The following PRKCA variants were observed in gnomAD, a reference collection of about 807,000 sequenced individuals.
PRKCA encodes the protein protein kinase C alpha.
In PRKCA, 27 loss-of-function variants were observed where a neutral mutation model predicts 87.0. That is an observed-to-expected ratio of 0.31 (90% confidence interval 0.23 to 0.43). The LOEUF is 0.43. Among genes scored for constraint, PRKCA ranks in the 20% least tolerant of loss-of-function variants. The pLI is 1.00. For missense variants in PRKCA, 518 were observed against 852.3 expected (o/e 0.61, Z 4.88); for synonymous variants, 329 against 311.1 (o/e 1.06, Z -0.61).
intron 13 of PRKCA, among the ~76,000 whole-genome samples, chr17:66,764,113 C>A (rs117163467): frequency 0.019 from 2,869 of 152,310 alleles, 41 homozygotes; most frequent in Non-Finnish European, 0.03. Context: ...TAACATTGGA[C>A]AAGCTACTGT....
intron 3 of PRKCA, among the ~76,000 whole-genome samples, chr17:66,596,226 G>A (rs930184794): frequency 3.9e-5 from 6 of 152,158 alleles, no homozygotes; most frequent in Admixed American, 6.5e-5. Flanking sequence ...ACCTTCTGGC[G>A]TATTTACCGC....
chr17:66,777,596 G>C (rs1440431585), intron 14 of PRKCA: 2 of 984,970 alleles, frequency 2.0e-6, no homozygotes, highest in Non-Finnish European at 2.4e-6. Flanking sequence ...GTAAAATTCG[G>C]CTCTGAATTA....
chr17:66,699,165 A>G (rs1421889157), intron 8 of PRKCA, among the ~76,000 whole-genome samples: 1 of 150,026 alleles, frequency 6.7e-6, no homozygotes, highest in East Asian at 2.0e-4. Flanking sequence ...GTGCGTGTGA[A>G]TAGCCAGTGC....
chr17:66,542,213 A>T (rs4791051), intron 3 of PRKCA, among the ~76,000 whole-genome samples: 88,542 of 152,048 alleles, frequency 0.58, 27,540 homozygotes, highest in African/African-American at 0.81. Context: ...TTAGATGGTG[A>T]TTAAAATATG....
At chr17:66,563,065 G>T (rs1376114357) in intron 3 of PRKCA, among the ~76,000 whole-genome samples, 1 of 152,062 alleles carries the variant, frequency 6.6e-6, no homozygotes, top group African/African-American at 2.4e-5. Flanking sequence ...TAGGGTTATA[G>T]GAAAATGGAG....
intron 8 of PRKCA, among the ~76,000 whole-genome samples, chr17:66,726,856 C>A (rs1426068032): frequency 6.6e-6 from 1 of 151,982 alleles, no homozygotes; most frequent in Non-Finnish European, 1.5e-5. Context: ...TCCCAAGTAG[C>A]TGGGACTACA....
rs60247180 is a variant in PRKCA, at chr17:66,729,780, C to CTTTTTTT, written c.919-2893_919-2887dup. On this transcript the variant is annotated intron_variant, in intron 8 of 16. Coordinates refer to ENST00000413366, the MANE Select transcript of PRKCA (RefSeq NM_002737.3). The stretch of plus-strand genomic sequence containing the variant: ...TTGATCCCTGTATGAGCGAGTTATT[C>CTTTTTTT]TTTTTTTTTTTTTTTTTTTTTCTGA... 3.1e-4 allele frequency among the ~76,000 whole-genome samples: 33 copies of CTTTTTTT among 105,072 alleles called. 1 individual carries two copies. The highest frequency in any genetic ancestry group is 1.7e-3 in the South Asian group (5 of 2,966). The allele number at this position is 105,072 out of a possible 152,430, so 68.9% of individuals were successfully genotyped here. A position where few individuals can be genotyped will look rare whatever the true frequency, so the allele number is the denominator to read the frequency against.
intron 3 of PRKCA, among the ~76,000 whole-genome samples, chr17:66,573,432 T>C (rs2143407443): frequency 6.6e-6 from 1 of 152,300 alleles, no homozygotes; most frequent in African/African-American, 2.4e-5. Flanking sequence ...AAATCAGGAA[T>C]ACATGGGTCA....
rs1373275646 is a variant in PRKCA, at chr17:66,689,585, T to G, written c.918+538T>G. On this transcript the variant is annotated intron_variant, in intron 8 of 16. Transcript: ENST00000413366. The surrounding 1 kb of genome is among the most constrained non-coding windows in gnomAD (Gnocchi z 4.1). ...GTTTAGCAAAGGCCACCTCCTTCTC[T>G]TCTTCCTCTTGGTATTTGTGTTTGC... 1.3e-5 allele frequency among the ~76,000 whole-genome samples: 2 copies of G among 152,220 alleles called. No individual in the cohort carries two copies. Among genetic ancestry groups the G allele is most frequent in the African/African-American group, 4.8e-5 (2 of 41,456 alleles).
At chr17:66,695,834 T>C (rs1250572614) in intron 8 of PRKCA, among the ~76,000 whole-genome samples, 3 of 152,232 alleles carry the variant, frequency 2.0e-5, no homozygotes, top group Non-Finnish European at 4.4e-5. Flanking sequence ...GATGTCCCAT[T>C]AGAAAGCTGA....
At chr17:66,395,788 T>C (rs1910629966) in intron 2 of PRKCA, among the ~76,000 whole-genome samples, 1 of 152,208 alleles carries the variant, frequency 6.6e-6, no homozygotes, top group Non-Finnish European at 1.5e-5. Flanking sequence ...TGAGAAATCC[T>C]TCAACATTAT....
At chr17:66,710,723 G>T (rs1286107763) in intron 8 of PRKCA, among the ~76,000 whole-genome samples, 1 of 151,986 alleles carries the variant, frequency 6.6e-6, no homozygotes, top group Non-Finnish European at 1.5e-5. Flanking sequence ...CTCCTCTTCA[G>T]ATTAGGTTAG....
At chr17:66,800,439 G>A (rs1975874430) in intron 16 of PRKCA, among the ~76,000 whole-genome samples, 1 of 152,166 alleles carries the variant, frequency 6.6e-6, no homozygotes, top group African/African-American at 2.4e-5. Context: ...TTTTATCACA[G>A]TACTTAGCTT....
chr17:66,374,198 C>T (rs1909279974), intron 2 of PRKCA, among the ~76,000 whole-genome samples: 1 of 152,284 alleles, frequency 6.6e-6, no homozygotes. Flanking sequence ...TCCCATGAAT[C>T]CTTCCTCCAC....
Position 66,688,398 on chromosome 17 carries a change from T to C in PRKCA, c.783T>C (p.Phe261=). The C allele has an allele frequency of 1.9e-6, 3 of 1,614,164 alleles. No individual in the cohort carries two copies. Among genetic ancestry groups the C allele is most frequent in the Non-Finnish European group, 2.5e-6 (3 of 1,180,026 alleles). Residue 261 remains phenylalanine, a synonymous_variant, in exon 7 of 17, where the codon TTT becomes TTC. Transcript: ENST00000413366. Reference sequence around the variant, plus strand: ...ATGACTTCATGGGATCCCTTTCCTTTGGAGTTTCGGAGCTGATGAAGATGC... The same window carrying C: ...ATGACTTCATGGGATCCCTTTCCTTCGGAGTTTCGGAGCTGATGAAGATGC... The part of the protein sequence containing the change: ...TRNDFMGSLS[F]GVSELMKMPA...
chr17:66,517,174 C>T (rs774865115), intron 3 of PRKCA, among the ~76,000 whole-genome samples: 4 of 152,100 alleles, frequency 2.6e-5, no homozygotes, highest in African/African-American at 7.3e-5. Flanking sequence ...GTCCCAGCTA[C>T]TTGGGAGGCT....
At chr17:66,755,785 C>T (rs763101275) in intron 13 of PRKCA, among the ~76,000 whole-genome samples, 1 of 152,152 alleles carries the variant, frequency 6.6e-6, no homozygotes, top group Non-Finnish European at 1.5e-5. Context: ...ACAATTCTTC[C>T]TAGAGCCATT....
chr17:66,561,612 G>A lies in PRKCA; in HGVS notation c.288+65329G>A, dbSNP rs529183166. 3.2e-4 allele frequency among the ~76,000 whole-genome samples: 49 copies of A among 152,220 alleles called. 1 individual carries two copies. Among genetic ancestry groups the A allele is most frequent in the African/African-American group, 1.0e-3 (43 of 41,532 alleles). On this transcript the variant is annotated intron_variant, in intron 3 of 16. Transcript: ENST00000413366. ...AAGAGATACTTGTATGCCCATGTTC[G>A]TAGCAGCAGCAACATTCACAATAGA...
chr17:66,455,429 CACTTTGA>C (rs1914536573), intron 2 of PRKCA, among the ~76,000 whole-genome samples: 1 of 152,172 alleles, frequency 6.6e-6, no homozygotes, highest in African/African-American at 2.4e-5. Flanking sequence ...TCCCCCGAAG[CACTTTGA>C]ACTGGAGCTG....
Sources: allele counts gnomAD v4.1 joint callset (sites outside exome capture counted in the v4.1 genomes callset), GRCh38; gene constraint gnomAD v4.1.1; non-coding constraint Gnocchi (gnomAD v3.1); transcripts MANE v1.5; gene names NCBI Gene and HGNC (gene_info 2026-07-23, HGNC 2026-07-21).